SLC29A3: variants seen among roughly 807,000 people sequenced by gnomAD.
SLC29A3 encodes solute carrier family 29 member 3.
Under a neutral mutation model 25.4 loss-of-function variants are expected in SLC29A3, and 18 were observed. The observed-to-expected ratio is 0.71, with a 90% CI of 0.49 to 1.05. The LOEUF (loss-of-function observed/expected upper bound fraction) is 1.05. Among genes scored for constraint, SLC29A3 ranks in the 50% least tolerant of loss-of-function variants. The probability of loss-of-function intolerance (pLI) is 0.00; values close to 1 mark genes in which losing one functional copy is unlikely to be tolerated. For synonymous variants in SLC29A3, 258 were observed against 267.1 expected (o/e 0.97, Z 0.33); for missense variants, 586 against 609.0 (o/e 0.96, Z 0.40).
chr10:71,361,853 C>T, intron 5 of SLC29A3, 101 bp from the exon 6 acceptor site: 2 of 1,411,354 alleles, frequency 1.4e-6, no homozygotes, highest in Non-Finnish European at 2.0e-6. Context: ...TTGGGCTCTC[C>T]ATGCTGGGCT....
chr10:71,348,669 T>G (rs1429696007), intron 3 of SLC29A3, among the ~76,000 whole-genome samples: 1 of 152,172 alleles, frequency 6.6e-6, no homozygotes, highest in African/African-American at 2.4e-5. Flanking sequence ...TTACGATAGA[T>G]GCTCCGGGCC....
intron 1 of SLC29A3, among the ~76,000 whole-genome samples, chr10:71,321,215 AG>A (rs1307040785): frequency 6.6e-6 from 1 of 152,164 alleles, no homozygotes; most frequent in Admixed American, 6.5e-5. Context: ...ATCTGAAAAA[AG>A]GGGGCAATGT....
At chr10:71,366,225 A>G (rs1847169718), downstream of SLC29A3, 1 of 152,182 alleles carries the variant, frequency 6.6e-6, no homozygotes, top group African/African-American at 2.4e-5. Flanking sequence ...CCACTCAAGC[A>G]AACACCGTGT....
At chr10:71,345,595 G>T (rs1255735349) in intron 3 of SLC29A3, among the ~76,000 whole-genome samples, 1 of 152,228 alleles carries the variant, frequency 6.6e-6, no homozygotes, top group Non-Finnish European at 1.5e-5. Flanking sequence ...AAACCAAAGT[G>T]CAGTCTGGAA....
chr10:71,374,161 C>A (rs912656925), intron 3 of SLC29A3, among the ~76,000 whole-genome samples: 2 of 152,200 alleles, frequency 1.3e-5, no homozygotes, highest in African/African-American at 4.8e-5. Context: ...GAATTCACTT[C>A]CTTTGAGCCA....
chr10:71,339,530 C>T (rs73280022), intron 2 of SLC29A3, among the ~76,000 whole-genome samples: 6,165 of 152,174 alleles, frequency 0.041, 437 homozygotes, highest in African/African-American at 0.14. Context: ...GCCATTAGCG[C>T]TCTGGGGGTT....
In SLC29A3 at chr10:71,363,189, A is replaced by C; in HGVS notation, c.*581A>C. 1 of 448,692 alleles carries C rather than the reference A, an allele frequency of 2.2e-6. No homozygotes were observed. The highest frequency in any genetic ancestry group is 7.0e-5 in the East Asian group (1 of 14,338). The allele number at this position is 448,692 out of a possible 1,614,324, so 27.8% of individuals were successfully genotyped here. A position where few individuals can be genotyped will look rare whatever the true frequency, so the allele number is the denominator to read the frequency against. On this transcript the variant is annotated 3_prime_UTR_variant, in exon 6 of 6. Coordinates refer to ENST00000373189, the MANE Select transcript of SLC29A3 (RefSeq NM_018344.6). Reference sequence around the variant, plus strand: ...AACCCAGAAAGATGGGCCTTCCATGAATGCTTCATTCCAGAGGGACCAGAG... The same window carrying C: ...AACCCAGAAAGATGGGCCTTCCATGCATGCTTCATTCCAGAGGGACCAGAG...
Position 71,362,318 on chromosome 10 carries a change from C to T in SLC29A3, c.1138C>T (p.Pro380Ser). ...GCCAGGGCCCAATAGCAAGGCGCTC[C>T]CAGGGTTCGTGCTCCTCCGGACCTG... is the stretch of plus-strand genomic sequence containing the variant. ...QVPGPNSKAL[P>S]GFVLLRTCLI... The change falls in exon 6 of 6, where the codon CCA becomes TCA. Residue 380 changes from proline to serine, a missense_variant. Physicochemically the swap from Pro to Ser is moderately conservative, Grantham distance 74. Coordinates refer to ENST00000373189, the MANE Select transcript of SLC29A3 (RefSeq NM_018344.6). The T allele has an allele frequency of 6.2e-7, 1 of 1,614,186 alleles. No homozygotes were observed. The highest frequency in any genetic ancestry group is 8.5e-7 in the Non-Finnish European group (1 of 1,180,034).
Position 71,344,223 on chromosome 10 carries a change from C to T in SLC29A3, c.315C>T (p.Ser105=). Reference sequence around the variant, plus strand: ...TGTGCTTGCAGAACTACTTTGAGAGCTACCTTGCCGTTGCCTCCACCGTGC... The same window carrying T: ...TGTGCTTGCAGAACTACTTTGAGAGTTACCTTGCCGTTGCCTCCACCGTGC... ...EGSDILNYFE[S]YLAVASTVPS... Residue 105 remains serine (S), a synonymous_variant, in exon 3 of 6, where the codon AGC becomes AGT. Transcript: ENST00000373189. The T allele has an allele frequency of 6.2e-7, 1 of 1,614,124 alleles. No homozygotes were observed. Among genetic ancestry groups the T allele is most frequent in the East Asian group, 2.2e-5 (1 of 44,878 alleles).
chr10:71,346,936 C>T (rs1442140395), intron 3 of SLC29A3, among the ~76,000 whole-genome samples: 3 of 152,156 alleles, frequency 2.0e-5, no homozygotes, highest in Non-Finnish European at 4.4e-5. Context: ...GCCAGCTACC[C>T]TCTGAGATTG....
At chr10:71,370,176 CAGAG>C (rs924304944) in intron 3 of SLC29A3, among the ~76,000 whole-genome samples, 1 of 152,218 alleles carries the variant, frequency 6.6e-6, no homozygotes, top group African/African-American at 2.4e-5. Flanking sequence ...GTGATACAGG[CAGAG>C]AGCTTCACCA....
At chr10:71,323,671 A>G (rs1204201935) in intron 2 of SLC29A3, among the ~76,000 whole-genome samples, 1 of 152,246 alleles carries the variant, frequency 6.6e-6, no homozygotes, top group Non-Finnish European at 1.5e-5. Flanking sequence ...TCTCAGAACC[A>G]TGTGCCTGCT....
At chr10:71,345,361 T>G (rs894720183) in intron 3 of SLC29A3, among the ~76,000 whole-genome samples, 2 of 152,164 alleles carry the variant, frequency 1.3e-5, no homozygotes, top group East Asian at 3.9e-4. Context: ...ATCCCCTCTC[T>G]CTCTCTCTTC....
intron 2 of SLC29A3, among the ~76,000 whole-genome samples, chr10:71,334,429 G>A (rs1166056794): frequency 1.3e-5 from 2 of 152,194 alleles, no homozygotes; most frequent in African/African-American, 4.8e-5. Flanking sequence ...CCAGTTCTGT[G>A]ATCTATTATA....
intron 3 of SLC29A3, among the ~76,000 whole-genome samples, chr10:71,346,867 G>A (rs376874854): frequency 1.8e-4 from 28 of 152,286 alleles, no homozygotes; most frequent in South Asian, 1.2e-3. Flanking sequence ...AGGCTGCTGC[G>A]ATGGAAGGGG....
chr10:71,319,397 G>A, intron 1 of SLC29A3, 87 bp downstream of exon 1: 1 of 558,408 alleles, frequency 1.8e-6, no homozygotes, highest in South Asian at 2.2e-5. Flanking sequence ...CGGGCCCTGG[G>A]GGCGGCTGCG....
At chr10:71,331,355 G>A (rs755124390) in intron 2 of SLC29A3, among the ~76,000 whole-genome samples, 6 of 152,188 alleles carry the variant, frequency 3.9e-5, no homozygotes, top group Non-Finnish European at 5.9e-5. Context: ...TTAAATGGGA[G>A]CAGGACAATG....
In SLC29A3 at chr10:71,323,055, G is replaced by A. The variant is rs587780463; in HGVS notation, c.300+1G>A. On this transcript the variant is annotated splice_donor_variant, in intron 2 of 5. Transcript: ENST00000373189. LOFTEE classifies it high-confidence loss of function. ...GGACCCTGAGGGCTCAGACATCCTG[G>A]TAAGGGCATGTTTCTCCTGCAAGGC... is the stretch of plus-strand genomic sequence containing the variant. 1.7e-5 allele frequency: 28 copies of A among 1,612,640 alleles called. No individual in the cohort carries two copies. In the South Asian group the frequency reaches 2.2e-4, roughly 13 times the overall value.
chr10:71,334,704 C>T (rs979204391), intron 2 of SLC29A3, among the ~76,000 whole-genome samples: 6 of 152,100 alleles, frequency 3.9e-5, no homozygotes, highest in African/African-American at 1.4e-4. Context: ...ACCGTGATCC[C>T]GCAGTGCACC....
Sources: allele counts gnomAD v4.1 joint callset (sites outside exome capture counted in the v4.1 genomes callset), GRCh38; gene constraint gnomAD v4.1.1; transcripts MANE v1.5; gene names NCBI Gene and HGNC (gene_info 2026-07-23, HGNC 2026-07-21).